ARMH4: variants seen among roughly 807,000 people sequenced by gnomAD.
The protein encoded by ARMH4 is armadillo-like helical domain-containing protein 4.
Under a neutral mutation model 61.9 loss-of-function variants are expected in ARMH4, and 49 were observed. The ratio of observed to expected loss-of-function variants is 0.79; its 90% CI spans 0.63 to 1.00. The LOEUF (loss-of-function observed/expected upper bound fraction) is 1.00. Ranked by LOEUF, ARMH4 falls within the 50% of genes least tolerant of loss-of-function variation. The pLI is 0.00. For missense variants in ARMH4, 934 were observed against 930.0 expected (o/e 1.00, Z -0.06); for synonymous variants, 368 against 341.5 (o/e 1.08, Z -0.85).
intron 4 of ARMH4, among the ~76,000 whole-genome samples, chr14:58,121,625 A>T (rs1886728528): frequency 6.6e-6 from 1 of 152,214 alleles, no homozygotes; most frequent in African/African-American, 2.4e-5. Flanking sequence ...TACGTAATGG[A>T]TGTACTAACC....
intron 4 of ARMH4, among the ~76,000 whole-genome samples, chr14:58,106,022 T>C (rs548946574): frequency 6.6e-6 from 1 of 152,266 alleles, no homozygotes; most frequent in East Asian, 1.9e-4. Flanking sequence ...GGTTTCTAAG[T>C]AACCATCTCT....
chr14:58,022,562 C>A (rs2141149793), intron 5 of ARMH4, among the ~76,000 whole-genome samples: 1 of 152,278 alleles, frequency 6.6e-6, no homozygotes, highest in Non-Finnish European at 1.5e-5. Context: ...AGCAGTAATC[C>A]ATTCATTAGC....
chr14:58,089,007 A>T (rs1380165901), intron 5 of ARMH4, among the ~76,000 whole-genome samples: 1 of 152,162 alleles, frequency 6.6e-6, no homozygotes, highest in Admixed American at 6.5e-5. Context: ...AGGTATCAAT[A>T]ATTTTTATAG....
At chr14:58,145,526 G>T (rs527951401) in intron 1 of ARMH4, among the ~76,000 whole-genome samples, 1 of 152,304 alleles carries the variant, frequency 6.6e-6, no homozygotes, top group South Asian at 2.1e-4. Flanking sequence ...GGGAAGAAGG[G>T]ATAAATAATA....
intron 5 of ARMH4, among the ~76,000 whole-genome samples, chr14:58,075,471 G>T (rs1231127615): frequency 2.0e-5 from 3 of 152,142 alleles, no homozygotes; most frequent in Admixed American, 6.5e-5. Context: ...GATGAAGCTA[G>T]AAAGCATCAT....
chr14:58,095,835 T>G (rs960071294), intron 5 of ARMH4, among the ~76,000 whole-genome samples: 1 of 152,224 alleles, frequency 6.6e-6, no homozygotes, highest in Non-Finnish European at 1.5e-5. Context: ...TTTTTCTGAC[T>G]CTTAACCCTA....
chr14:58,121,725 A>G (rs1886731531), intron 4 of ARMH4, among the ~76,000 whole-genome samples: 1 of 152,206 alleles, frequency 6.6e-6, no homozygotes, highest in Non-Finnish European at 1.5e-5. Context: ...AAAATGACTT[A>G]CCATAAGAGG....
At chr14:58,057,480 T>C (rs954725622) in intron 5 of ARMH4, among the ~76,000 whole-genome samples, 3 of 152,176 alleles carry the variant, frequency 2.0e-5, no homozygotes, top group Non-Finnish European at 4.4e-5. Context: ...CTAGTTAGTG[T>C]TGAGTAGAAT....
chr14:58,027,108 C>T (rs1883047372), intron 5 of ARMH4, among the ~76,000 whole-genome samples: 1 of 152,162 alleles, frequency 6.6e-6, no homozygotes, highest in South Asian at 2.1e-4. Context: ...CAATAATGGG[C>T]AAATACCAAG....
At chr14:58,072,435 T>C (rs1566567088) in intron 5 of ARMH4, among the ~76,000 whole-genome samples, 1 of 152,196 alleles carries the variant, frequency 6.6e-6, no homozygotes, top group Non-Finnish European at 1.5e-5. Flanking sequence ...AGAATCCTTT[T>C]GGGCCGGGCA....
chr14:58,077,478 A>C (rs535382131), intron 5 of ARMH4, among the ~76,000 whole-genome samples: 2 of 152,248 alleles, frequency 1.3e-5, no homozygotes, highest in East Asian at 1.9e-4. Flanking sequence ...AGCGTGGTGC[A>C]CACCTGCGGT....
At chr14:58,112,616 TTTC>T (rs1886391343) in intron 4 of ARMH4, among the ~76,000 whole-genome samples, 1 of 152,222 alleles carries the variant, frequency 6.6e-6, no homozygotes, top group African/African-American at 2.4e-5. Context: ...TTGTTCACTA[TTTC>T]TTCTTGCATC....
intron 4 of ARMH4, among the ~76,000 whole-genome samples, chr14:58,099,534 A>G (rs1885884029): frequency 6.6e-6 from 1 of 152,222 alleles, no homozygotes; most frequent in Admixed American, 6.5e-5. Flanking sequence ...AATGATATAG[A>G]CAAAGGCCAG....
At chr14:58,039,047 G>A (rs1883589241) in intron 5 of ARMH4, among the ~76,000 whole-genome samples, 1 of 152,154 alleles carries the variant, frequency 6.6e-6, no homozygotes, top group South Asian at 2.1e-4. Context: ...CGCTTCCCCT[G>A]GACTGCTCCC....
At chr14:58,123,909 C>T (rs1207035802) in intron 4 of ARMH4, among the ~76,000 whole-genome samples, 1 of 152,222 alleles carries the variant, frequency 6.6e-6, no homozygotes, top group African/African-American at 2.4e-5. Context: ...CTTAAATTTC[C>T]TTGCTACCTG....
At position 58,054,550 on chromosome 14, in the gene ARMH4, A is replaced by G. The variant is rs142654064; in HGVS notation, c.2089+42174T>C. On this transcript the variant is annotated intron_variant, in intron 5 of 7. Coordinates refer to ENST00000267485, the MANE Select transcript of ARMH4 (RefSeq NM_001001872.4). ...GCCTGCAGTAGTACATACAATTTGT[A>G]TGTGATGGTTTATGCACAAAGTGCT... 3.4e-3 allele frequency among the ~76,000 whole-genome samples: 515 copies of G among 152,316 alleles called. 3 individuals are homozygous for G. Among genetic ancestry groups the G allele is most frequent in the African/African-American group, 0.012 (497 of 41,572 alleles).
chr14:58,151,821 A>C (rs1887935423), intron 1 of ARMH4, among the ~76,000 whole-genome samples: 1 of 152,228 alleles, frequency 6.6e-6, no homozygotes, highest in African/African-American at 2.4e-5. Flanking sequence ...TGGAGCTAGG[A>C]GTGCGGTGAG....
chr14:58,026,009 G>C (rs796510422), intron 5 of ARMH4, among the ~76,000 whole-genome samples: 6 of 151,960 alleles, frequency 3.9e-5, no homozygotes, highest in African/African-American at 1.4e-4. Context: ...TTAGTTAATT[G>C]CAAGTTTAGG....
chr14:58,138,367 C>G lies in ARMH4; in HGVS notation c.992G>C (p.Gly331Ala). ...TCTCACCTGAGTCTCTTCATTGTCT[C>G]CAAGCTTGGGGGTCCTTATCCGGCT... Reference protein sequence around the residue: ...SVSRIRTPKLGDNEETQVRTE... With the variant: ...SVSRIRTPKLADNEETQVRTE... Residue 331 changes from glycine (G) to alanine (A), a missense_variant, in exon 2 of 8, where the codon GGA (glycine) becomes GCA (alanine). Coordinates refer to ENST00000267485, the MANE Select transcript of ARMH4 (RefSeq NM_001001872.4). 1 of 1,614,212 alleles carries G rather than the reference C, an allele frequency of 6.2e-7. No homozygotes were observed. The highest frequency in any genetic ancestry group is 8.5e-7 in the Non-Finnish European group (1 of 1,180,038).
Sources: gnomAD v4.1 joint callset for allele counts (sites outside exome capture counted in the v4.1 genomes callset) on GRCh38, gnomAD v4.1.1 for gene constraint, MANE v1.5 for transcripts, NCBI Gene and HGNC (gene_info 2026-07-23, HGNC 2026-07-21) for gene names.